YES1: variants seen among roughly 807,000 people sequenced by gnomAD.
YES1 encodes YES proto-oncogene 1, Src family tyrosine kinase, also known as tyrosine-protein kinase Yes.
In YES1, 39 loss-of-function variants were observed where a neutral mutation model predicts 70.4. The ratio of observed to expected loss-of-function variants is 0.55; its 90% CI spans 0.43 to 0.72. The LOEUF is 0.72. Among genes scored for constraint, YES1 ranks in the 30% least tolerant of loss-of-function variants. The probability of loss-of-function intolerance (pLI) is 0.00; values close to 1 mark genes in which losing one functional copy is unlikely to be tolerated. For missense variants in YES1, 495 were observed against 644.8 expected, an observed-to-expected ratio of 0.77 and a Z score of 2.52; for synonymous variants, 198 against 218.6, an observed-to-expected ratio of 0.91 and a Z score of 0.83.
chr18:740,646 G>C (rs2080206785), intron 8 of YES1, among the ~76,000 whole-genome samples: 1 of 152,298 alleles, frequency 6.6e-6, no homozygotes, highest in Admixed American at 6.5e-5. Flanking sequence ...AGTTTGGACA[G>C]ATTATAAAGG....
At position 775,935 on chromosome 18, in the gene YES1, T is replaced by C. The variant is rs887764989; in HGVS notation, c.-8-19100A>G. On this transcript the variant is annotated intron_variant, in intron 1 of 11. Transcript: ENST00000314574. ...TGTTTTCACTTCTGTGTAGCATTCT[T>C]TTATATGAATATACCATAGGTAAGG... Among the ~76,000 whole-genome samples, 4 of 152,226 alleles carry C rather than the reference T, an allele frequency of 2.6e-5. No homozygotes were observed. In the East Asian group the frequency reaches 7.7e-4, roughly 29 times the overall value.
At chr18:756,989 T>G (rs1482306698) in intron 1 of YES1, among the ~76,000 whole-genome samples, 154 bp from the exon 2 acceptor site, 3 of 152,204 alleles carry the variant, frequency 2.0e-5, no homozygotes, top group Non-Finnish European at 2.9e-5. Context: ...ACGAGGTCTC[T>G]TCCCCTCATT....
At chr18:729,943 A>C (rs1250920649) in intron 11 of YES1, among the ~76,000 whole-genome samples, 1 of 152,096 alleles carries the variant, frequency 6.6e-6, no homozygotes, top group Non-Finnish European at 1.5e-5. Context: ...AACTCTTGAT[A>C]ATCAGTCATC....
Position 799,367 on chromosome 18 carries a change from A to G in YES1, c.-9+12747T>C, listed in dbSNP as rs555733351. 4.6e-5 allele frequency among the ~76,000 whole-genome samples: 7 copies of G among 152,330 alleles called. No individual in the cohort carries two copies. In the South Asian group the frequency reaches 1.5e-3, roughly 32 times the overall value. On this transcript the variant is annotated intron_variant, in intron 1 of 11. Transcript: ENST00000314574. ...TCAGATAAATCCATATGACTTGCTT[A>G]TATCAATGTAATATAAGAGGAACTA...
In YES1 at chr18:780,645, G is replaced by GC. The variant is rs1259691463; in HGVS notation, c.-8-23811dup. Among the ~76,000 whole-genome samples the GC allele has an allele frequency of 3.9e-5, 6 of 152,150 alleles. No homozygotes were observed. The East Asian group carries it at 1.2e-3, about 29-fold the overall frequency. On this transcript the variant is annotated intron_variant, in intron 1 of 11. Coordinates refer to ENST00000314574, the MANE Select transcript of YES1 (RefSeq NM_005433.4). Reference sequence around the variant, plus strand: ...AAAATGGACTAAGATACCTTCCTGTGCCCTATATGGCCAATTGGTCACCAG... The same window carrying GC: ...AAAATGGACTAAGATACCTTCCTGTGCCCCTATATGGCCAATTGGTCACCAG...
At chr18:782,518 A>G (rs1350943427) in intron 1 of YES1, among the ~76,000 whole-genome samples, 1 of 152,212 alleles carries the variant, frequency 6.6e-6, no homozygotes, top group Non-Finnish European at 1.5e-5. Context: ...TCTACTCAGT[A>G]AAGGCTATTA....
At chr18:764,755 C>T (rs188847545) in intron 1 of YES1, among the ~76,000 whole-genome samples, 50 of 151,822 alleles carry the variant, frequency 3.3e-4, no homozygotes, top group African/African-American at 1.2e-3. Context: ...TTTTTTGAGA[C>T]GGAGTCTCGT....
At chr18:740,440 T>A (rs2080204616) in intron 8 of YES1, among the ~76,000 whole-genome samples, 1 of 152,224 alleles carries the variant, frequency 6.6e-6, no homozygotes, top group South Asian at 2.1e-4. Flanking sequence ...GGTTGAGGAA[T>A]GGCTCTAGAT....
At chr18:771,308 A>C (rs1905145782) in intron 1 of YES1, among the ~76,000 whole-genome samples, 1 of 152,080 alleles carries the variant, frequency 6.6e-6, no homozygotes, top group East Asian at 1.9e-4. Context: ...CGGAGGTTGC[A>C]GTGAGCCAAG....
At chr18:795,912 AAC>A (rs72204539) in intron 1 of YES1, among the ~76,000 whole-genome samples, 33,468 of 144,352 alleles carry the variant, frequency 0.23, 3,897 homozygotes, top group East Asian at 0.33. Context: ...CCAGAACTTA[AAC>A]ACACACACAC....
chr18:802,491 C>T (rs1323741175), intron 1 of YES1, among the ~76,000 whole-genome samples: 2 of 148,534 alleles, frequency 1.3e-5, no homozygotes, highest in African/African-American at 2.5e-5. Flanking sequence ...TTGCAGTGAG[C>T]GGAGACCACA....
intron 8 of YES1, among the ~76,000 whole-genome samples, chr18:740,388 C>G (rs2080204060): frequency 6.6e-6 from 1 of 152,144 alleles, no homozygotes; most frequent in Non-Finnish European, 1.5e-5. Context: ...TAAAAGTGGT[C>G]TATTCTCTTC....
intron 1 of YES1, among the ~76,000 whole-genome samples, chr18:783,147 G>A (rs768559432): frequency 6.6e-6 from 1 of 152,074 alleles, no homozygotes; most frequent in Non-Finnish European, 1.5e-5. Flanking sequence ...CTACTCAGGA[G>A]GCCAAGGCAG....
At chr18:769,042 C>T (rs1316880684) in intron 1 of YES1, among the ~76,000 whole-genome samples, 10 of 151,696 alleles carry the variant, frequency 6.6e-5, no homozygotes, top group Admixed American at 5.9e-4. Context: ...CATTGTGTTA[C>T]AACTGCCTAC....
At chr18:726,154 G>A (rs907440611) in intron 11 of YES1, among the ~76,000 whole-genome samples, 8 of 152,202 alleles carry the variant, frequency 5.3e-5, no homozygotes, top group Non-Finnish European at 1.0e-4. Flanking sequence ...GGCCGGGTGC[G>A]GTGGCTCATG....
rs1242061201 is a variant in YES1, at chr18:722,880, CAGG to C, written c.*1541_*1543del. On this transcript the variant is annotated 3_prime_UTR_variant, in exon 12 of 12. Transcript: ENST00000314574. Reference sequence around the variant, plus strand: ...GGCCGAGGCGGGCAGATCACAAGGTCAGGAGATCGAGACTATCCTGGCTAACAC... The same window carrying C: ...GGCCGAGGCGGGCAGATCACAAGGTCAGATCGAGACTATCCTGGCTAACAC... The C allele has an allele frequency of 1.3e-5, 2 of 152,276 alleles. No individual in the cohort carries two copies. The highest frequency in any genetic ancestry group is 2.4e-5 in the African/African-American group (1 of 41,562). The allele number at this position is 152,276 out of a possible 1,614,324, so 9.4% of individuals were successfully genotyped here.
rs533246934 is a variant in YES1, at chr18:756,699, C to T, written c.129G>A (p.Pro43=). ...CTGCTGTTCCCTTTGCTGAAGATGA[C>T]GGACATGGTGACACTGTAGTGGGTT... ...GAEPTTVSPC[P]SSSAKGTAVN... The change falls in exon 2 of 12, where the codon CCG becomes CCA. Residue 43 remains proline, a synonymous_variant. Coordinates refer to ENST00000314574, the MANE Select transcript of YES1 (RefSeq NM_005433.4). 45 of 1,614,044 alleles carry T rather than the reference C, an allele frequency of 2.8e-5. No individual in the cohort carries two copies. The highest frequency in any genetic ancestry group is 3.3e-5 in the Admixed American group (2 of 60,004).
At chr18:786,217 A>C (rs1905929979) in intron 1 of YES1, among the ~76,000 whole-genome samples, 1 of 139,220 alleles carries the variant, frequency 7.2e-6, no homozygotes, top group African/African-American at 2.6e-5. Flanking sequence ...GTCTCCACAC[A>C]GGAATTACTC....
At chr18:760,579 G>C (rs1164218715) in intron 1 of YES1, among the ~76,000 whole-genome samples, 1 of 152,224 alleles carries the variant, frequency 6.6e-6, no homozygotes, top group Non-Finnish European at 1.5e-5. Flanking sequence ...TCATGGACTT[G>C]AGCATCTGGG....
Sources: allele counts gnomAD v4.1 joint callset (sites outside exome capture counted in the v4.1 genomes callset), GRCh38; gene constraint gnomAD v4.1.1; transcripts MANE v1.5; gene names NCBI Gene and HGNC (gene_info 2026-07-23, HGNC 2026-07-21).